The following EMC10 variants were observed in gnomAD, a reference collection of about 807,000 sequenced individuals.
EMC10 encodes the protein ER membrane protein complex subunit 10, also known as UPF0510 protein INM02.
EMC10 carries 40 observed loss-of-function variants against 32.2 expected under a neutral mutation model. That is an observed-to-expected ratio of 1.24 (90% CI 0.96 to 1.61). The LOEUF (loss-of-function observed/expected upper bound fraction) is 1.61. Among genes scored for constraint, EMC10 ranks in the 40% most tolerant of loss-of-function variants. The pLI is 0.00. For missense variants in EMC10, 402 were observed against 357.7 expected, an observed-to-expected ratio of 1.12 and a Z score of -1.00; for synonymous variants, 178 against 158.4, an observed-to-expected ratio of 1.12 and a Z score of -0.93.
Position 50,478,001 on chromosome 19 carries a change from G to T in EMC10, c.187G>T (p.Asp63Tyr), listed in dbSNP as rs375617947. 2 of 1,602,542 alleles carry T rather than the reference G, an allele frequency of 1.2e-6. No homozygotes were observed. Among genetic ancestry groups the T allele is most frequent in the African/African-American group, 1.3e-5 (1 of 74,158 alleles). The change falls in exon 2 of 7, where the codon GAT becomes TAT. Residue 63 changes from aspartate to tyrosine, a missense_variant and splice_region_variant. By Grantham distance (160) the Asp-to-Tyr change is radical. Transcript: ENST00000334976. ...GLLLEHSFEI[D>Y]DSANFRKRGS... ...GCTGCTGGAGCACTCATTTGAGATC[G>T]GTGAGTCAGGCAACGTCCTCTCCTA... is the stretch of plus-strand genomic sequence containing the variant.
intron 6 of EMC10, 102 bp from the exon 7 acceptor site, chr19:50,482,047 C>T (rs2040328784): frequency 1.3e-6 from 2 of 1,482,640 alleles, no homozygotes; most frequent in Admixed American, 1.7e-5. Context: ...GCGACCTCCC[C>T]TCATGCCGGT....
At position 50,482,631 on chromosome 19, in the gene EMC10, G is replaced by A. The variant is rs1179292706; in HGVS notation, c.*372G>A. 4 of 485,526 alleles carry A rather than the reference G, an allele frequency of 8.2e-6. No individual in the cohort carries two copies. The highest frequency in any genetic ancestry group is 1.4e-5 in the Non-Finnish European group (4 of 276,774). 30.1% of individuals were successfully genotyped at this position (485,526 alleles called of 1,614,324 possible). On this transcript the variant is annotated 3_prime_UTR_variant, in exon 7 of 7. Coordinates refer to ENST00000334976, the MANE Select transcript of EMC10 (RefSeq NM_206538.4). The stretch of plus-strand genomic sequence containing the variant: ...ATGCCGCCTTCTCTCCAGCCTCTGT[G>A]CCTTTGTTCCAGGTGGTCTCACCCT...
rs2040338059 is a variant in EMC10 at position 50,482,461 on chromosome 19, CG to C, written c.*204del. 6 of 588,482 alleles carry C rather than the reference CG, an allele frequency of 1.0e-5. No homozygotes were observed. In the South Asian group the frequency reaches 1.2e-4, roughly 12 times the overall value. The allele number at this position is 588,482 out of a possible 1,614,324, so 36.5% of individuals were successfully genotyped here. A position where few individuals can be genotyped will look rare whatever the true frequency, so the allele number is the denominator to read the frequency against. ...GGACTGGGGCCTTTGGCACAGCAGC[CG>C]GTGTCTCCTGCGCCCGCCTCCCCCA... On this transcript the variant is annotated 3_prime_UTR_variant, in exon 7 of 7. Transcript: ENST00000334976.
intron 1 of EMC10, 111 bp downstream of exon 1, chr19:50,476,769 G>A: frequency 1.4e-6 from 1 of 693,418 alleles, no homozygotes. Context: ...AGAGGGAAGA[G>A]GTGGGAGATC....
rs371934738 is a variant in EMC10, at chr19:50,476,598, G to A, written c.54G>A (p.Ala18=). Residue 18 remains alanine (A), a synonymous_variant, in exon 1 of 7, where the codon GCG becomes GCA. Transcript: ENST00000334976. The part of the protein sequence containing the change: ...ATRLLLLLLM[A]VAAPSRARGS... ...GGCTGCTCCTGCTCTTGCTGATGGC[G>A]GTAGCAGCGCCCAGTCGAGCCCGGG... 1 of 1,570,772 alleles carries A rather than the reference G, an allele frequency of 6.4e-7. No homozygotes were observed. The highest frequency in any genetic ancestry group is 8.6e-7 in the Non-Finnish European group (1 of 1,164,002).
chr19:50,481,819 C>T (rs549810670), intron 6 of EMC10: 8 of 1,501,710 alleles, frequency 5.3e-6, no homozygotes, highest in South Asian at 1.2e-5. Context: ...TCAGGCCCCA[C>T]GGCAGCCCAC....
chr19:50,486,147 A>G lies in EMC10; in HGVS notation c.*3888A>G, dbSNP rs796719878. ...TTTGTAAAATTCTTTACTAACCCCAAATTGTCTACTGGAAACTATAGGCTC... is the reference window on the plus strand; with the variant it reads ...TTTGTAAAATTCTTTACTAACCCCAGATTGTCTACTGGAAACTATAGGCTC... On this transcript the variant is annotated 3_prime_UTR_variant, in exon 7 of 7. Coordinates refer to ENST00000334976, the MANE Select transcript of EMC10 (RefSeq NM_206538.4). 1.3e-5 allele frequency: 2 copies of G among 152,028 alleles called. No individual in the cohort carries two copies. The highest frequency in any genetic ancestry group is 2.9e-5 in the Non-Finnish European group (2 of 67,990). 9.4% of individuals were successfully genotyped at this position (152,028 alleles called of 1,614,324 possible). A position where few individuals can be genotyped will look rare whatever the true frequency, so the allele number is the denominator to read the frequency against.
intron 2 of EMC10, 97 bp downstream of exon 2, chr19:50,478,098 A>G (rs1382262635): frequency 9.9e-7 from 1 of 1,013,816 alleles, no homozygotes; most frequent in African/African-American, 1.7e-5. Flanking sequence ...GACATTTACT[A>G]ACAACCATTT....
Position 50,488,269 on chromosome 19 carries a change from C to A in EMC10, c.*6010C>A, listed in dbSNP as rs1386503284. On this transcript the variant is annotated 3_prime_UTR_variant, in exon 7 of 7. Coordinates refer to ENST00000334976, the MANE Select transcript of EMC10 (RefSeq NM_206538.4). ...CGAGATTGCGCCACTGCACTCCAGC[C>A]TGGGCGACAGAGCGAGACTCCGTCT... 3 of 113,528 alleles carry A rather than the reference C, an allele frequency of 2.6e-5. No individual in the cohort carries two copies. Among genetic ancestry groups the A allele is most frequent in the Non-Finnish European group, 4.9e-5 (3 of 60,646 alleles). The allele number at this position is 113,528 out of a possible 1,614,324, so 7.0% of individuals were successfully genotyped here.
intron 2 of EMC10, among the ~76,000 whole-genome samples, chr19:50,478,515 C>T (rs1601323783): frequency 6.6e-6 from 1 of 152,134 alleles, no homozygotes; most frequent in African/African-American, 2.4e-5. Context: ...GTGTAGTAAT[C>T]GAGTCTGAGG....
Position 50,480,298 on chromosome 19 carries a change from CTG to C in EMC10, c.402+87_402+88del. 1 of 1,387,166 alleles carries C rather than the reference CTG, an allele frequency of 7.2e-7. No individual in the cohort carries two copies. The highest frequency in any genetic ancestry group is 1.3e-5 in the South Asian group (1 of 78,242). 85.9% of individuals were successfully genotyped at this position (1,387,166 alleles called of 1,614,324 possible). On this transcript the variant is annotated intron_variant, in intron 4 of 6. Coordinates refer to ENST00000334976, the MANE Select transcript of EMC10 (RefSeq NM_206538.4). This position sits in a 1 kb window ranked among gnomAD's most constrained non-coding sequence, Gnocchi z 4.4. ...GGTCCTGCTTCCACCATTCGAACCC[CTG>C]TGTTTCTGGAGCCCGCAGAGGCCTG...
In EMC10 at chr19:50,476,565, G is replaced by T; in HGVS notation, c.21G>T (p.Gly7=). Residue 7 remains glycine (G), a synonymous_variant, in exon 1 of 7, where the codon GGG becomes GGT. Coordinates refer to ENST00000334976, the MANE Select transcript of EMC10 (RefSeq NM_206538.4). MAAASA[G]ATRLLLLLLM... ...CCGAGATGGCGGCAGCCAGCGCTGG[G>T]GCAACCCGGCTGCTCCTGCTCTTGC... 1.3e-6 allele frequency: 2 copies of T among 1,575,184 alleles called. No homozygotes were observed. The highest frequency in any genetic ancestry group is 8.6e-7 in the Non-Finnish European group (1 of 1,166,202).
intron 6 of EMC10, 55 bp from the exon 7 acceptor site, chr19:50,482,094 T>G: frequency 3.6e-6 from 5 of 1,392,480 alleles, no homozygotes; most frequent in Non-Finnish European, 5.1e-6. Flanking sequence ...ACTCACCTCC[T>G]TCCCCTCTCT....
rs1209354678 is a variant in EMC10, at chr19:50,486,467, T to C, written c.*4208T>C. 6.6e-6 allele frequency: 1 copy of C among 152,170 alleles called. No homozygotes were observed. Among genetic ancestry groups the C allele is most frequent in the African/African-American group, 2.4e-5 (1 of 41,426 alleles). The allele number at this position is 152,170 out of a possible 1,614,324, so 9.4% of individuals were successfully genotyped here. A position where few individuals can be genotyped will look rare whatever the true frequency, so the allele number is the denominator to read the frequency against. ...TCCTAAAGTGCTGGGATTACATGTG[T>C]GAGCCACCGCCCCTGGCCTCTGTAG... is the stretch of plus-strand genomic sequence containing the variant. On this transcript the variant is annotated 3_prime_UTR_variant, in exon 7 of 7. Coordinates refer to ENST00000334976, the MANE Select transcript of EMC10 (RefSeq NM_206538.4).
chr19:50,480,247 C>T lies in EMC10; in HGVS notation c.402+32C>T, dbSNP rs764178343. 9.5e-6 allele frequency: 15 copies of T among 1,577,004 alleles called. No individual in the cohort carries two copies. The highest frequency in any genetic ancestry group is 1.3e-5 in the African/African-American group (1 of 74,456). On this transcript the variant is annotated intron_variant, in intron 4 of 6. Coordinates refer to ENST00000334976, the MANE Select transcript of EMC10 (RefSeq NM_206538.4). The surrounding 1 kb of genome is among the most constrained non-coding windows in gnomAD (Gnocchi z 4.4). ...TGGTGTCGGGGATGAGCCCCCTTCT[C>T]CCTCGTCCTCCTCATCCCCTACCCT...
At chr19:50,479,350 C>T (rs1238043776) in intron 3 of EMC10, among the ~76,000 whole-genome samples, 1 of 152,244 alleles carries the variant, frequency 6.6e-6, no homozygotes, top group East Asian at 1.9e-4. Flanking sequence ...CAGTCGGCTC[C>T]TCTTCTTTTC....
rs150801533 is a variant in EMC10, at chr19:50,484,018, CTTTTTTTTTTT to C, written c.*1776_*1786del. ...AGGATTCCAGAAATATTTACTAATG[CTTTTTTTTTTT>C]TTTTTTTTTTTTTTTTGAGGCAGAG... On this transcript the variant is annotated 3_prime_UTR_variant, in exon 7 of 7. Transcript: ENST00000334976. The C allele has an allele frequency of 1.6e-3, 79 of 50,778 alleles. No individual in the cohort carries two copies. The highest frequency in any genetic ancestry group is 7.0e-3 in the African/African-American group (75 of 10,732). The allele number at this position is 50,778 out of a possible 1,614,324, so 3.1% of individuals were successfully genotyped here. A position where few individuals can be genotyped will look rare whatever the true frequency, so the allele number is the denominator to read the frequency against.
Position 50,482,790 on chromosome 19 carries a change from G to A in EMC10, c.*531G>A. ...CTGGGTCCCCTCATCAGGGGCAGAG[G>A]CATGAAAGAGTCGGGGCTGGATGGC... On this transcript the variant is annotated 3_prime_UTR_variant, in exon 7 of 7. Coordinates refer to ENST00000334976, the MANE Select transcript of EMC10 (RefSeq NM_206538.4). The A allele has an allele frequency of 5.8e-6, 3 of 515,164 alleles. No individual in the cohort carries two copies. Among genetic ancestry groups the A allele is most frequent in the Non-Finnish European group, 6.8e-6 (2 of 292,928 alleles). The allele number at this position is 515,164 out of a possible 1,614,324, so 31.9% of individuals were successfully genotyped here.
At position 50,480,919 on chromosome 19, in the gene EMC10, T is replaced by C; in HGVS notation, c.620T>C (p.Met207Thr). The change falls in exon 6 of 7, where the codon ATG (methionine) becomes ACG (threonine). Residue 207 changes from methionine to threonine, a missense_variant. By Grantham distance (81) the Met-to-Thr change is moderately conservative. Coordinates refer to ENST00000334976, the MANE Select transcript of EMC10 (RefSeq NM_206538.4). This position sits in a 1 kb window ranked among gnomAD's most constrained non-coding sequence, Gnocchi z 4.4. ...GCGGCCTTCATTGAGCGCCTGGAGA[T>C]GGAACAGGCCCAGAAGGCCAAGAAC... is the stretch of plus-strand genomic sequence containing the variant. ...ETAAFIERLE[M>T]EQAQKAKNPQ... The C allele has an allele frequency of 6.2e-7, 1 of 1,612,350 alleles. No homozygotes were observed. The highest frequency in any genetic ancestry group is 8.5e-7 in the Non-Finnish European group (1 of 1,178,802).
Sources: gnomAD v4.1 joint callset for allele counts (sites outside exome capture counted in the v4.1 genomes callset) on GRCh38, gnomAD v4.1.1 for gene constraint, Gnocchi (gnomAD v3.1) non-coding constraint, MANE v1.5 for transcripts, NCBI Gene and HGNC (gene_info 2026-07-23, HGNC 2026-07-21) for gene names.